DOCK4: variants seen among roughly 807,000 people sequenced by gnomAD.
DOCK4 encodes dedicator of cytokinesis protein 4.
Under a neutral mutation model 268.1 loss-of-function variants are expected in DOCK4, and 97 were observed. The ratio of observed to expected loss-of-function variants is 0.36; its 90% confidence interval spans 0.31 to 0.43. The LOEUF (loss-of-function observed/expected upper bound fraction) is 0.43, where lower values mean the gene tolerates loss of function less well. Ranked by LOEUF, DOCK4 falls within the 20% of genes least tolerant of loss-of-function variation. The pLI, the probability that DOCK4 is intolerant of heterozygous loss-of-function variation, is 1.00. For synonymous variants in DOCK4, 954 were observed against 887.2 expected (o/e 1.08, Z -1.34); for missense variants, 2,145 against 2,455.7 (o/e 0.87, Z 2.67).
rs1255756523 is a variant in DOCK4, at chr7:111,747,332, G to A, written c.4528C>T (p.Leu1510=). 20 of 1,613,674 alleles carry A rather than the reference G, an allele frequency of 1.2e-5. No individual in the cohort carries two copies. Among genetic ancestry groups the A allele is most frequent in the South Asian group, 1.2e-4 (11 of 91,062 alleles). The change falls in exon 43 of 53, where the codon CTG becomes TTG. Residue 1510 remains leucine, a synonymous_variant. Transcript: ENST00000428084. ...ATAACTCCATTCAGGCACATAGTCA[G>A]GGGATTAATATTCTGCATCTGTCTT... The part of the protein sequence containing the change: ...QTRQMQNINP[L]TMCLNGVIDA...
At chr7:112,185,571 CA>C (rs754294466) in intron 1 of DOCK4, among the ~76,000 whole-genome samples, 15 of 149,782 alleles carry the variant, frequency 1.0e-4, no homozygotes, top group African/African-American at 1.5e-4. Context: ...CTGATGACTT[CA>C]AAAGGAAGTC....
rs910157174 is a variant in DOCK4, at chr7:112,003,714, C to T, written c.121+334G>A. ...AAGCCATGTCTGCTCTGGGCCTCTGCTTCTTCCTGTCCTGTGGGATCTACT... is the reference window on the plus strand; with the variant it reads ...AAGCCATGTCTGCTCTGGGCCTCTGTTTCTTCCTGTCCTGTGGGATCTACT... On this transcript the variant is annotated intron_variant, in intron 2 of 52. Transcript: ENST00000428084. 5.9e-5 allele frequency among the ~76,000 whole-genome samples: 9 copies of T among 152,308 alleles called. No individual in the cohort carries two copies. The South Asian group carries it at 8.3e-4, about 14-fold the overall frequency.
intron 1 of DOCK4, among the ~76,000 whole-genome samples, chr7:112,039,499 C>A (rs10242337): frequency 0.25 from 38,463 of 151,380 alleles, 9,888 homozygotes; most frequent in African/African-American, 0.65. Context: ...TGTTTTTATA[C>A]ATTATACTTA....
intron 25 of DOCK4, among the ~76,000 whole-genome samples, chr7:111,842,283 G>A (rs1166741535): frequency 1.3e-5 from 2 of 151,266 alleles, no homozygotes; most frequent in African/African-American, 2.4e-5. Context: ...TTTTTGCCTC[G>A]TATATTTCAA....
chr7:112,094,108 GCTAT>G lies in DOCK4; in HGVS notation c.38-89981_38-89978del, dbSNP rs762290127. Among the ~76,000 whole-genome samples the G allele has an allele frequency of 3.4e-4, 52 of 151,990 alleles. No homozygotes were observed. The East Asian group carries it at 6.2e-3, about 18-fold the overall frequency. On this transcript the variant is annotated intron_variant, in intron 1 of 52. Coordinates refer to ENST00000428084, the MANE Select transcript of DOCK4 (RefSeq NM_001363540.2). ...TAGGTTTTTTTCCAAAGCACATCAT[GCTAT>G]CTTTGTCTGAAAAACAAATTTAGCA... is the stretch of plus-strand genomic sequence containing the variant.
intron 1 of DOCK4, among the ~76,000 whole-genome samples, chr7:112,058,550 T>C (rs1448251475): frequency 6.6e-6 from 1 of 152,176 alleles, no homozygotes; most frequent in East Asian, 1.9e-4. Context: ...ACCTGCTCCC[T>C]GTTTTATTAA....
intron 1 of DOCK4, among the ~76,000 whole-genome samples, chr7:112,157,894 G>A (rs980436403): frequency 3.3e-5 from 5 of 152,128 alleles, no homozygotes; most frequent in African/African-American, 4.8e-5. Flanking sequence ...GCATTTAAAT[G>A]ATTAGCACAT....
chr7:111,736,790 A>G (rs1795522075), intron 50 of DOCK4, 127 bp downstream of exon 50: 2 of 826,572 alleles, frequency 2.4e-6, no homozygotes, highest in African/African-American at 1.7e-5. Flanking sequence ...TCCCTTAAAG[A>G]GCATACTAGT....
At chr7:111,736,297 G>GCAAGCC (rs1388956134) in intron 50 of DOCK4, among the ~76,000 whole-genome samples, 2 of 152,124 alleles carry the variant, frequency 1.3e-5, no homozygotes, top group Non-Finnish European at 2.9e-5. Flanking sequence ...GTGACTTGCT[G>GCAAGCC]CAAGCCCCGA....
intron 1 of DOCK4, among the ~76,000 whole-genome samples, chr7:112,067,485 GTT>G (rs1807185026): frequency 6.6e-6 from 1 of 152,066 alleles, no homozygotes; most frequent in South Asian, 2.1e-4. Flanking sequence ...CTTCAGCTAA[GTT>G]TTAAAGGAGT....
Position 111,917,280 on chromosome 7 carries a change from C to T in DOCK4, c.1067-1376G>A, listed in dbSNP as rs2134546303. On this transcript the variant is annotated intron_variant, in intron 12 of 52. Coordinates refer to ENST00000428084, the MANE Select transcript of DOCK4 (RefSeq NM_001363540.2). ...GGATTATAGGTGTGAGCCACCGCGC[C>T]TGGCCTCTATGCTTTAAAATAAGAA... 2.0e-5 allele frequency among the ~76,000 whole-genome samples: 3 copies of T among 152,112 alleles called. No individual in the cohort carries two copies. The Middle Eastern group carries it at 0.01, about 517-fold the overall frequency.
intron 1 of DOCK4, among the ~76,000 whole-genome samples, chr7:112,146,994 A>G (rs1277549244): frequency 1.3e-5 from 2 of 152,162 alleles, no homozygotes; most frequent in Admixed American, 1.3e-4. Flanking sequence ...AAATACATCT[A>G]CCTACAAATG....
intron 1 of DOCK4, among the ~76,000 whole-genome samples, chr7:112,141,888 G>T (rs1814968107): frequency 6.6e-6 from 1 of 152,142 alleles, no homozygotes; most frequent in South Asian, 2.1e-4. Flanking sequence ...GATTGCAATT[G>T]GGGCCAGTGC....
At chr7:112,085,710 T>A (rs1229293243) in intron 1 of DOCK4, among the ~76,000 whole-genome samples, 1 of 152,188 alleles carries the variant, frequency 6.6e-6, no homozygotes, top group African/African-American at 2.4e-5. Context: ...TGATCATCAA[T>A]GGATGCTAAA....
intron 50 of DOCK4, 89 bp downstream of exon 50, chr7:111,736,828 C>T (rs1336310006): frequency 2.5e-6 from 3 of 1,205,378 alleles, no homozygotes; most frequent in African/African-American, 1.5e-5. Context: ...TAGAGCACTG[C>T]TTTCCACACA....
chr7:111,927,620 T>A (rs116062043), intron 12 of DOCK4, among the ~76,000 whole-genome samples: 1,887 of 152,340 alleles, frequency 0.012, 46 homozygotes, highest in African/African-American at 0.043. Flanking sequence ...CTGAGGACTA[T>A]GTCTAGGTTT....
chr7:111,791,070 T>TTATA (rs35033313), intron 30 of DOCK4, among the ~76,000 whole-genome samples: 4,604 of 95,284 alleles, frequency 0.048, 173 homozygotes, highest in East Asian at 0.15. Flanking sequence ...AAAAAAAAAA[T>TTATA]TATATATATA....
At chr7:112,032,515 G>T (rs553409422) in intron 1 of DOCK4, among the ~76,000 whole-genome samples, 1 of 152,110 alleles carries the variant, frequency 6.6e-6, no homozygotes, top group African/African-American at 2.4e-5. Flanking sequence ...TTTTAAAAAG[G>T]GCCTTTTTGT....
intron 1 of DOCK4, among the ~76,000 whole-genome samples, chr7:112,063,755 C>T (rs1355611146): frequency 3.9e-4 from 60 of 152,068 alleles, no homozygotes; most frequent in Admixed American, 3.9e-3. Flanking sequence ...TATTTGTACC[C>T]CTCAAAGATG....
Sources: allele counts gnomAD v4.1 joint callset (sites outside exome capture counted in the v4.1 genomes callset), GRCh38; gene constraint gnomAD v4.1.1; transcripts MANE v1.5; gene names NCBI Gene and HGNC (gene_info 2026-07-23, HGNC 2026-07-21).